The following ELAVL4 variants were observed in gnomAD, a reference collection of about 807,000 sequenced individuals.
ELAVL4 encodes the protein ELAV like RNA binding protein 4.
Under a neutral mutation model 35.6 loss-of-function variants are expected in ELAVL4, and 1 was observed. The observed-to-expected ratio is 0.03, with a 90% CI of 0.01 to 0.13. The LOEUF is 0.13. ELAVL4 is among the 10% of genes least tolerant of loss of function. ELAVL4 has a pLI of 1.00. For synonymous variants in ELAVL4, 156 were observed against 171.0 expected (o/e 0.91, Z 0.69); for missense variants, 267 against 464.9 (o/e 0.57, Z 3.91).
At chr1:50,070,687 G>A (rs567652316) in intron 1 of ELAVL4, among the ~76,000 whole-genome samples, 41 of 142,130 alleles carry the variant, frequency 2.9e-4, no homozygotes, top group Non-Finnish European at 5.5e-4. Context: ...GTTGCAGTGA[G>A]CAGAGATCGT....
At chr1:50,060,467 G>T (rs1663901759) in intron 1 of ELAVL4, among the ~76,000 whole-genome samples, 1 of 152,176 alleles carries the variant, frequency 6.6e-6, no homozygotes, top group African/African-American at 2.4e-5. Flanking sequence ...GTCATGCTTT[G>T]CAGCTAAGTC....
At chr1:50,102,193 A>G (rs993929697), upstream of ELAVL4, among the ~76,000 whole-genome samples, 2 of 152,238 alleles carry the variant, frequency 1.3e-5, no homozygotes, top group Middle Eastern at 3.4e-3. Flanking sequence ...AGGCTGAGGC[A>G]GGAGAATGGC....
upstream of ELAVL4, chr1:50,104,111 C>G: frequency 1.7e-6 from 2 of 1,151,642 alleles, no homozygotes; most frequent in South Asian, 1.3e-5. Context: ...CTTAAAAACC[C>G]GCTTCATCTT....
chr1:50,134,515 G>A (rs1276831631), intron 1 of ELAVL4, among the ~76,000 whole-genome samples: 1 of 152,066 alleles, frequency 6.6e-6, no homozygotes, highest in Non-Finnish European at 1.5e-5. Flanking sequence ...AGGGTCTTAG[G>A]GAGCAGAATG....
chr1:50,079,147 G>T (rs770725148), intron 1 of ELAVL4, among the ~76,000 whole-genome samples: 1 of 151,966 alleles, frequency 6.6e-6, no homozygotes, highest in Non-Finnish European at 1.5e-5. Flanking sequence ...GACTGGTCTC[G>T]AACTCCTGGG....
Position 50,109,016 on chromosome 1 carries a change from C to CGGGCGG in ELAVL4, c.-174_-173insGGGCGG. On this transcript the variant is annotated 5_prime_UTR_variant, in exon 1 of 7. Coordinates refer to ENST00000371824, the MANE Select transcript of ELAVL4 (RefSeq NM_001144774.3). The stretch of plus-strand genomic sequence containing the variant: ...CTCCTTTTCTTTTTTTTCTTTCTCT[C>CGGGCGG]CCCCGCCCACCCCCCCAAAAATAAT... 29 of 905,286 alleles carry CGGGCGG rather than the reference C, an allele frequency of 3.2e-5. No homozygotes were observed. Among genetic ancestry groups the CGGGCGG allele is most frequent in the Non-Finnish European group, 3.5e-5 (27 of 760,936 alleles). The allele number at this position is 905,286 out of a possible 1,614,324, so 56.1% of individuals were successfully genotyped here.
chr1:50,127,606 G>T lies in ELAVL4; in HGVS notation c.10-17351G>T, dbSNP rs1670162951. On this transcript the variant is annotated intron_variant, in intron 1 of 6. Coordinates refer to ENST00000371824, the MANE Select transcript of ELAVL4 (RefSeq NM_001144774.3). ...CAAGACTAAATTCCTAGAGGGCAGT[G>T]ATCAAGTGCCATGGAACTCAGTTAT... 2.0e-5 allele frequency among the ~76,000 whole-genome samples: 3 copies of T among 152,158 alleles called. No individual in the cohort carries two copies. The South Asian group carries it at 6.2e-4, about 32-fold the overall frequency.
intron 1 of ELAVL4, among the ~76,000 whole-genome samples, chr1:50,089,078 C>T (rs1330779933): frequency 1.3e-5 from 2 of 152,194 alleles, no homozygotes; most frequent in African/African-American, 2.4e-5. Flanking sequence ...AGTGAATGAG[C>T]TCCTCAAATA....
chr1:50,087,730 C>T (rs1665313989), intron 1 of ELAVL4, among the ~76,000 whole-genome samples: 1 of 152,020 alleles, frequency 6.6e-6, no homozygotes, highest in Non-Finnish European at 1.5e-5. Flanking sequence ...GATTGTTGGC[C>T]TTATAAGAAG....
At chr1:50,190,573 G>A (rs1682518286) in intron 3 of ELAVL4, among the ~76,000 whole-genome samples, 1 of 152,222 alleles carries the variant, frequency 6.6e-6, no homozygotes, top group Non-Finnish European at 1.5e-5. Context: ...AATGATTGAT[G>A]TGCTGTTCAC....
chr1:50,087,528 G>C (rs1013164631), intron 1 of ELAVL4, among the ~76,000 whole-genome samples: 1 of 152,138 alleles, frequency 6.6e-6, no homozygotes, highest in Non-Finnish European at 1.5e-5. Flanking sequence ...TCACCTTAGC[G>C]ATGTGACCTA....
chr1:50,193,923 A>C lies in ELAVL4; in HGVS notation c.508+5A>C. The C allele has an allele frequency of 6.2e-7, 1 of 1,613,600 alleles. No individual in the cohort carries two copies. The highest frequency in any genetic ancestry group is 1.3e-5 in the African/African-American group (1 of 75,040). ...TCCTGGTTGATCAAGTCACAGGTTA[A>C]GTGTTTCTTTGTAATTTCTTTCCTT... On this transcript the variant is annotated splice_donor_5th_base_variant and intron_variant, in intron 4 of 6. Transcript: ENST00000371824.
intron 1 of ELAVL4, among the ~76,000 whole-genome samples, chr1:50,130,199 T>C (rs1670624797): frequency 2.6e-5 from 4 of 152,166 alleles, no homozygotes; most frequent in Non-Finnish European, 5.9e-5. Flanking sequence ...TTGATTTTAA[T>C]AGGGTTAGAT....
At chr1:50,133,659 A>AAG (rs1009468404) in intron 1 of ELAVL4, among the ~76,000 whole-genome samples, 5 of 145,940 alleles carry the variant, frequency 3.4e-5, no homozygotes, top group Non-Finnish European at 6.1e-5. Flanking sequence ...AAGAGAAAGA[A>AAG]AGAAAGAAAG....
chr1:50,071,508 G>T (rs1256688442), intron 1 of ELAVL4, among the ~76,000 whole-genome samples: 1 of 152,268 alleles, frequency 6.6e-6, no homozygotes, highest in African/African-American at 2.4e-5. Context: ...GAAGTTCATC[G>T]TGAATGCAGC....
In ELAVL4 at chr1:50,114,631, G is replaced by C. The variant is rs540133225; in HGVS notation, c.9+5433G>C. Among the ~76,000 whole-genome samples, 20 of 152,206 alleles carry C rather than the reference G, an allele frequency of 1.3e-4. No individual in the cohort carries two copies. The East Asian group carries it at 3.7e-3, about 28-fold the overall frequency. ...ATAGGAGATAATGAGTGATAAATTT[G>C]AACTGGTGCAGTGCAAGATGCCCGA... On this transcript the variant is annotated intron_variant, in intron 1 of 6. Coordinates refer to ENST00000371824, the MANE Select transcript of ELAVL4 (RefSeq NM_001144774.3).
chr1:50,062,858 G>T (rs1048723366), intron 1 of ELAVL4, among the ~76,000 whole-genome samples: 1 of 152,020 alleles, frequency 6.6e-6, no homozygotes, highest in Non-Finnish European at 1.5e-5. Flanking sequence ...ATGTTAAGCT[G>T]AGTTTTTATC....
At chr1:50,048,173 C>T (rs1190040411) in exon 1 of ELAVL4, 2 of 1,523,938 alleles carry the variant, frequency 1.3e-6, no homozygotes, top group Non-Finnish European at 1.8e-6. Flanking sequence ...AGATGCGCCT[C>T]AAGAACCAGG....
Position 50,201,388 on chromosome 1 carries a change from A to G in ELAVL4, c.*210A>G. On this transcript the variant is annotated 3_prime_UTR_variant, in exon 7 of 7. Coordinates refer to ENST00000371824, the MANE Select transcript of ELAVL4 (RefSeq NM_001144774.3). The surrounding 1 kb of genome is among the most constrained non-coding windows in gnomAD (Gnocchi z 4.3). Reference sequence around the variant, plus strand: ...AAGGATTTTATAATGCTTAGAAAAAAAGAAAAAAAAAAAACAAAAAATACC... The same window carrying G: ...AAGGATTTTATAATGCTTAGAAAAAGAGAAAAAAAAAAAACAAAAAATACC... 1 of 426,130 alleles carries G rather than the reference A, an allele frequency of 2.3e-6. No homozygotes were observed. Among genetic ancestry groups the G allele is most frequent in the Non-Finnish European group, 3.7e-6 (1 of 267,980 alleles). The allele number at this position is 426,130 out of a possible 1,614,324, so 26.4% of individuals were successfully genotyped here.
Sources: gnomAD v4.1 joint callset for allele counts (sites outside exome capture counted in the v4.1 genomes callset) on GRCh38, gnomAD v4.1.1 for gene constraint, Gnocchi (gnomAD v3.1) non-coding constraint, MANE v1.5 for transcripts, NCBI Gene and HGNC (gene_info 2026-07-23, HGNC 2026-07-21) for gene names.